NPC1: variants seen among roughly 807,000 people sequenced by gnomAD.
NPC1 encodes the protein Niemann-Pick C1 protein.
Under a neutral mutation model 140.4 loss-of-function variants are expected in NPC1, and 85 were observed. The ratio of observed to expected loss-of-function variants is 0.61; its 90% CI spans 0.51 to 0.72. The LOEUF (loss-of-function observed/expected upper bound fraction) is 0.72, where lower values mean the gene tolerates loss of function less well. Ranked by LOEUF, NPC1 falls within the 30% of genes least tolerant of loss-of-function variation. NPC1 has a pLI of 0.00. For missense variants in NPC1, 1,504 were observed against 1,623.8 expected, an observed-to-expected ratio of 0.93 and a Z score of 1.27; for synonymous variants, 656 against 624.8, an observed-to-expected ratio of 1.05 and a Z score of -0.74.
At chr18:23,582,430 C>T (rs1264219107) in intron 1 of NPC1, among the ~76,000 whole-genome samples, 3 of 152,184 alleles carry the variant, frequency 2.0e-5, no homozygotes, top group Admixed American at 2.0e-4. Flanking sequence ...AAACCAACTG[C>T]AAATCCAATT....
intron 24 of NPC1, chr18:23,532,968 T>C (rs1215390746): frequency 9.1e-6 from 9 of 984,308 alleles, no homozygotes; most frequent in Non-Finnish European, 9.7e-6. Flanking sequence ...AAACGGGAAA[T>C]CCATGAGGGA....
At chr18:23,554,662 C>A in intron 9 of NPC1, 96 bp downstream of exon 9, 1 of 867,240 alleles carries the variant, frequency 1.2e-6, no homozygotes. Context: ...GTTGTTTGCT[C>A]ACCTCTGGGT....
intron 11 of NPC1, among the ~76,000 whole-genome samples, chr18:23,546,217 C>G (rs957608096): frequency 4.5e-5 from 6 of 132,416 alleles, no homozygotes; most frequent in African/African-American, 1.7e-4. Flanking sequence ...CCACTGCACT[C>G]CAGCCTGGAT....
Position 23,532,013 on chromosome 18 carries a change from T to C in NPC1, c.*189A>G. 2 of 1,503,162 alleles carry C rather than the reference T, an allele frequency of 1.3e-6. No individual in the cohort carries two copies. Among genetic ancestry groups the C allele is most frequent in the Non-Finnish European group, 8.9e-7 (1 of 1,129,740 alleles). The allele number at this position is 1,503,162 out of a possible 1,614,324, so 93.1% of individuals were successfully genotyped here. A position where few individuals can be genotyped will look rare whatever the true frequency, so the allele number is the denominator to read the frequency against. ...TTAGTGTCCTGTGGTTGCCTCCAGA[T>C]CTAGTAATACTGCTTCCCAAGTCAA... is the stretch of plus-strand genomic sequence containing the variant. On this transcript the variant is annotated 3_prime_UTR_variant, in exon 25 of 25. Transcript: ENST00000269228.
intron 3 of NPC1, among the ~76,000 whole-genome samples, chr18:23,508,959 G>T (rs1346628985): frequency 6.6e-6 from 1 of 152,182 alleles, no homozygotes; most frequent in Admixed American, 6.5e-5. Flanking sequence ...ACAAAACACA[G>T]ACTTCTCCTG....
chr18:23,518,923 T>G (rs1327244271), downstream of NPC1: 2 of 1,614,072 alleles, frequency 1.2e-6, no homozygotes, highest in African/African-American at 1.3e-5. Context: ...TCTTGAGGCA[T>G]CATTCTCGGA....
At chr18:23,509,134 A>G in intron 3 of NPC1, 2 of 571,626 alleles carry the variant, frequency 3.5e-6, no homozygotes, top group South Asian at 6.4e-5. Context: ...AAGCTTTTGA[A>G]GAGAGTTATA....
intron 1 of NPC1, among the ~76,000 whole-genome samples, chr18:23,585,410 G>GT (rs1320075487): frequency 6.6e-6 from 1 of 152,140 alleles, no homozygotes; most frequent in Non-Finnish European, 1.5e-5. Flanking sequence ...TCGAAGGAGA[G>GT]TTTTTTCTAG....
chr18:23,516,106 C>T (rs1328956585), intron 3 of NPC1: 2 of 1,512,670 alleles, frequency 1.3e-6, no homozygotes, highest in East Asian at 4.5e-5. Context: ...GCCGTAACGT[C>T]ACCGCTCTGA....
chr18:23,555,668 C>T (rs1364435962), intron 8 of NPC1, among the ~76,000 whole-genome samples: 1 of 152,180 alleles, frequency 6.6e-6, no homozygotes, highest in African/African-American at 2.4e-5. Flanking sequence ...GTGACAGGGA[C>T]AATGGGAAGG....
chr18:23,549,742 C>CTTT (rs1000073339), intron 10 of NPC1, among the ~76,000 whole-genome samples: 1 of 138,006 alleles, frequency 7.2e-6, no homozygotes. Context: ...TTTTTCACAA[C>CTTT]TTTTTTTTTT....
chr18:23,536,811 G>A lies in NPC1; in HGVS notation c.3107C>T (p.Thr1036Met), dbSNP rs28942104. The stretch of plus-strand genomic sequence containing the variant: ...CACGGTGTGGTAGGTCATGAAGTAC[G>A]TGGCTCCGACCCTGGTGCCATGGCC... ...LLGHGTRVGA[T>M]YFMTYHTVLQ... Residue 1036 changes from threonine (T) to methionine (M), a missense_variant, in exon 21 of 25, where the codon ACG (threonine) becomes ATG (methionine). Thr to Met is a moderately conservative substitution (Grantham distance 81). Coordinates refer to ENST00000269228, the MANE Select transcript of NPC1 (RefSeq NM_000271.5). 1.1e-4 allele frequency: 171 copies of A among 1,614,044 alleles called. No individual in the cohort carries two copies. The highest frequency in any genetic ancestry group is 1.6e-4 in the Middle Eastern group (1 of 6,084).
At chr18:23,520,150 C>G (rs2058105006), downstream of NPC1, 4 of 1,414,568 alleles carry the variant, frequency 2.8e-6, no homozygotes, top group African/African-American at 1.4e-5. Context: ...ATGAAAGCAA[C>G]TGGGCAAACC....
chr18:23,542,231 A>C (rs2058722392), intron 14 of NPC1, among the ~76,000 whole-genome samples: 1 of 147,594 alleles, frequency 6.8e-6, no homozygotes, highest in Non-Finnish European at 1.5e-5. Flanking sequence ...TTCTTATAAT[A>C]GTAGTGAAAA....
chr18:23,524,577 AGAAATGACCCCTCCT>A (rs1365790506), downstream of NPC1: 434 of 1,257,056 alleles, frequency 3.5e-4, 1 homozygote, highest in African/African-American at 6.0e-3. Flanking sequence ...TGAATCTCTT[AGAAATGACCCCTCCT>A]TTCAAGCGTG....
chr18:23,540,423 A>C (rs758552269), intron 17 of NPC1, 25 bp downstream of exon 17: 3 of 1,446,244 alleles, frequency 2.1e-6, no homozygotes, highest in Admixed American at 3.7e-5. Flanking sequence ...AAGTTAAAAA[A>C]AAAAAAAAAA....
chr18:23,581,178 C>T (rs1195674545), intron 1 of NPC1, among the ~76,000 whole-genome samples: 1 of 152,200 alleles, frequency 6.6e-6, no homozygotes, highest in African/African-American at 2.4e-5. Flanking sequence ...TGCCAGTATA[C>T]ACTGTCTGCA....
In NPC1 at chr18:23,551,746, A is replaced by C; in HGVS notation, c.1554-19T>G. The C allele has an allele frequency of 1.9e-6, 3 of 1,550,524 alleles. No homozygotes were observed. Among genetic ancestry groups the C allele is most frequent in the Non-Finnish European group, 2.7e-6 (3 of 1,122,262 alleles). ...AGGAGCCCTGCCAAAAAGTTTAGAA[A>C]ACACCTCCCAGTTAGAAGGGCCTCA... is the stretch of plus-strand genomic sequence containing the variant. On this transcript the variant is annotated intron_variant, in intron 9 of 24. Transcript: ENST00000269228.
chr18:23,565,882 G>A (rs961872958), intron 4 of NPC1, among the ~76,000 whole-genome samples: 2 of 151,018 alleles, frequency 1.3e-5, no homozygotes, highest in African/African-American at 4.9e-5. Flanking sequence ...CAACTCTCTG[G>A]AGCTTCTCAT....
Sources: gnomAD v4.1 joint callset for allele counts (sites outside exome capture counted in the v4.1 genomes callset) on GRCh38, gnomAD v4.1.1 for gene constraint, MANE v1.5 for transcripts, NCBI Gene and HGNC (gene_info 2026-07-23, HGNC 2026-07-21) for gene names.